The following TMCC1 variants were observed in gnomAD, a reference collection of about 807,000 sequenced individuals.
The protein encoded by TMCC1 is transmembrane and coiled-coil domain family 1.
In TMCC1, 15 loss-of-function variants were observed where a neutral mutation model predicts 52.4. That is an observed-to-expected ratio of 0.29 (90% CI 0.19 to 0.44). TMCC1 has a LOEUF of 0.44. Among genes scored for constraint, TMCC1 ranks in the 20% least tolerant of loss-of-function variants. The pLI is 1.00. For synonymous variants in TMCC1, 279 were observed against 301.9 expected (o/e 0.92, Z 0.79); for missense variants, 503 against 806.0 (o/e 0.62, Z 4.55).
intron 5 of TMCC1, among the ~76,000 whole-genome samples, chr3:129,665,404 A>G (rs1020630315): frequency 1.3e-5 from 2 of 152,242 alleles, no homozygotes; most frequent in Non-Finnish European, 2.9e-5. Flanking sequence ...ATGGAAACAC[A>G]TTAAGCGAAG....
chr3:129,810,388 A>C (rs2057740447), intron 4 of TMCC1, among the ~76,000 whole-genome samples: 1 of 152,096 alleles, frequency 6.6e-6, no homozygotes, highest in Admixed American at 6.6e-5. Flanking sequence ...ATCAAGAGAC[A>C]TATATCACAT....
intron 4 of TMCC1, among the ~76,000 whole-genome samples, chr3:129,802,309 T>C (rs74771231): frequency 0.089 from 13,562 of 152,190 alleles, 672 homozygotes; most frequent in Middle Eastern, 0.15. Context: ...TATTTACACA[T>C]TGTACAAAAA....
intron 2 of TMCC1, among the ~76,000 whole-genome samples, chr3:129,855,760 A>G (rs1358785084): frequency 2.0e-5 from 3 of 152,220 alleles, no homozygotes; most frequent in African/African-American, 7.2e-5. Context: ...TTCGATGGTA[A>G]GCAAACAGTT....
chr3:129,672,058 G>A (rs2087991171), intron 4 of TMCC1, among the ~76,000 whole-genome samples: 1 of 152,188 alleles, frequency 6.6e-6, no homozygotes, highest in Non-Finnish European at 1.5e-5. Context: ...AAAGGTTTTT[G>A]TTAGGCAAGG....
intron 2 of TMCC1, among the ~76,000 whole-genome samples, chr3:129,854,398 G>GAA (rs71155578): frequency 0.084 from 12,337 of 146,618 alleles, 677 homozygotes; most frequent in East Asian, 0.17. Flanking sequence ...AAAAAAAAAA[G>GAA]AAAAAAAAAA....
At chr3:129,808,807 GA>G (rs557657753) in intron 4 of TMCC1, among the ~76,000 whole-genome samples, 11 of 118,746 alleles carry the variant, frequency 9.3e-5, no homozygotes, top group East Asian at 2.3e-4. Flanking sequence ...ATCCAAAACA[GA>G]AAAAAAAATA....
intron 2 of TMCC1, among the ~76,000 whole-genome samples, chr3:129,871,284 AG>A (rs1400399697): frequency 1.3e-5 from 2 of 150,888 alleles, no homozygotes; most frequent in Non-Finnish European, 2.9e-5. Flanking sequence ...GCTTGAACCC[AG>A]GAAGTGGAGG....
chr3:129,755,840 C>T lies in TMCC1; in HGVS notation c.576+71963G>A, dbSNP rs566205833. 7.9e-5 allele frequency among the ~76,000 whole-genome samples: 12 copies of T among 152,292 alleles called. No individual in the cohort carries two copies. In the East Asian group the frequency reaches 2.3e-3, roughly 29 times the overall value. ...CTGCCAAGGCTGGGGCGGTGGCTCA[C>T]GCCCGTAATCTCAACACTTTGGGAG... On this transcript the variant is annotated intron_variant, in intron 4 of 6. Coordinates refer to ENST00000393238, the MANE Select transcript of TMCC1 (RefSeq NM_001017395.5).
intron 4 of TMCC1, among the ~76,000 whole-genome samples, chr3:129,773,825 T>C (rs560434291): frequency 2.0e-5 from 3 of 152,040 alleles, no homozygotes; most frequent in Non-Finnish European, 4.4e-5. Flanking sequence ...TTGCCTGTAG[T>C]CCCACCTACT....
intron 4 of TMCC1, among the ~76,000 whole-genome samples, chr3:129,746,205 T>C (rs1181860279): frequency 1.3e-5 from 2 of 152,042 alleles, no homozygotes; most frequent in African/African-American, 4.8e-5. Flanking sequence ...AGTCCTGCTC[T>C]TGTTGCCCAG....
intron 4 of TMCC1, among the ~76,000 whole-genome samples, chr3:129,717,027 T>G (rs761971174): frequency 3.9e-5 from 6 of 152,232 alleles, no homozygotes; most frequent in South Asian, 4.1e-4. Context: ...AATTTTCCCC[T>G]TCAGCATGTA....
At chr3:129,879,472 G>A (rs926373322) in intron 2 of TMCC1, among the ~76,000 whole-genome samples, 5 of 152,100 alleles carry the variant, frequency 3.3e-5, no homozygotes, top group Non-Finnish European at 1.5e-5. Context: ...GAAAAATTGA[G>A]TCTTTGAGTG....
At chr3:129,749,154 AC>A (rs2052273513) in intron 4 of TMCC1, among the ~76,000 whole-genome samples, 1 of 151,560 alleles carries the variant, frequency 6.6e-6, no homozygotes, top group Non-Finnish European at 1.5e-5. Flanking sequence ...TAATTACCCT[AC>A]TTGTTTAAAA....
chr3:129,863,833 C>T (rs1191045993), intron 2 of TMCC1, among the ~76,000 whole-genome samples: 1 of 151,774 alleles, frequency 6.6e-6, no homozygotes, highest in East Asian at 1.9e-4. Context: ...CTGTACTCCA[C>T]CCTGGGTGAC....
intron 4 of TMCC1, among the ~76,000 whole-genome samples, chr3:129,690,703 C>T (rs2046971138): frequency 6.6e-6 from 1 of 152,106 alleles, no homozygotes. Flanking sequence ...GACATGGTGC[C>T]ATGGATCAAA....
intron 4 of TMCC1, among the ~76,000 whole-genome samples, chr3:129,751,265 C>A (rs561061810): frequency 6.6e-6 from 1 of 152,126 alleles, no homozygotes; most frequent in Admixed American, 6.5e-5. Flanking sequence ...TACAGTGACT[C>A]ACATCTATAA....
intron 2 of TMCC1, among the ~76,000 whole-genome samples, chr3:129,861,179 A>G (rs9289346): frequency 0.99 from 150,083 of 152,244 alleles, 74,013 homozygotes; most frequent in East Asian, 1. Context: ...AGTGGCTCAC[A>G]CCTGTAATTC....
intron 2 of TMCC1, among the ~76,000 whole-genome samples, chr3:129,879,178 T>C (rs1397706521): frequency 6.6e-6 from 1 of 152,212 alleles, no homozygotes; most frequent in Non-Finnish European, 1.5e-5. Context: ...TGGTGGCTCA[T>C]GCCTGTAATC....
intron 4 of TMCC1, among the ~76,000 whole-genome samples, chr3:129,794,755 G>C (rs979507102): frequency 1.3e-5 from 2 of 152,118 alleles, no homozygotes; most frequent in Admixed American, 6.5e-5. Context: ...GTGGGAGGAG[G>C]AGTGGTGTGC....
Sources: gnomAD v4.1 joint callset for allele counts (sites outside exome capture counted in the v4.1 genomes callset) on GRCh38, gnomAD v4.1.1 for gene constraint, MANE v1.5 for transcripts, NCBI Gene and HGNC (gene_info 2026-07-23, HGNC 2026-07-21) for gene names.